TRAPPC9: variants seen among roughly 807,000 people sequenced by gnomAD.
TRAPPC9 encodes trafficking protein particle complex subunit 9, also known as IKK2 binding protein.
TRAPPC9 carries 83 observed loss-of-function variants against 124.0 expected under a neutral mutation model. The ratio of observed to expected loss-of-function variants is 0.67; its 90% CI spans 0.56 to 0.80. The LOEUF (loss-of-function observed/expected upper bound fraction) is 0.80. TRAPPC9 is among the 30% of genes least tolerant of loss of function. TRAPPC9 has a pLI of 0.00. For synonymous variants in TRAPPC9, 638 were observed against 617.5 expected (o/e 1.03, Z -0.49); for missense variants, 1,302 against 1,508.3 (o/e 0.86, Z 2.27).
At chr8:140,218,208 A>G (rs2063247704) in intron 17 of TRAPPC9, among the ~76,000 whole-genome samples, 1 of 152,152 alleles carries the variant, frequency 6.6e-6, no homozygotes, top group African/African-American at 2.4e-5. Context: ...CTAAGATGTT[A>G]GTAGGCCCAA....
chr8:140,360,158 A>T lies in TRAPPC9; in HGVS notation c.1387T>A (p.Leu463Met). The part of the protein sequence containing the change: ...HRGWAAVQMR[L>M]LHELVYASRR... ...GAGGCGTAGACCAATTCATGGAGCA[A>T]ACGCATCTGGACCGCAGCCCAGCCT... is the stretch of plus-strand genomic sequence containing the variant. Residue 463 changes from leucine (L) to methionine (M), a missense_variant, in exon 9 of 23, where the codon TTG becomes ATG. By Grantham distance (15) the Leu-to-Met change is conservative. This residue lies in a region of TRAPPC9 where 657 missense variants were observed against 811.2 expected (regional missense o/e 0.81). Coordinates refer to ENST00000438773, the MANE Select transcript of TRAPPC9 (RefSeq NM_001160372.4). 1 of 1,614,216 alleles carries T rather than the reference A, an allele frequency of 6.2e-7. No individual in the cohort carries two copies. Among genetic ancestry groups the T allele is most frequent in the East Asian group, 2.2e-5 (1 of 44,884 alleles).
At chr8:139,971,806 T>TAC (rs746480462) in intron 19 of TRAPPC9, among the ~76,000 whole-genome samples, 2 of 145,872 alleles carry the variant, frequency 1.4e-5, no homozygotes, top group Admixed American at 7.1e-5. Flanking sequence ...TATATATACA[T>TAC]ATATATATAT....
chr8:140,005,617 A>C (rs1475711571), intron 18 of TRAPPC9, among the ~76,000 whole-genome samples: 1 of 152,022 alleles, frequency 6.6e-6, no homozygotes, highest in African/African-American at 2.4e-5. Context: ...TCCTCACAGG[A>C]GTGAGGAAAC....
chr8:140,164,150 C>A (rs533962350), intron 17 of TRAPPC9, among the ~76,000 whole-genome samples: 1 of 152,268 alleles, frequency 6.6e-6, no homozygotes, highest in South Asian at 2.1e-4. Flanking sequence ...AGTGGGGACA[C>A]GGAGATGCAC....
intron 6 of TRAPPC9, among the ~76,000 whole-genome samples, chr8:140,404,255 AGG>A (rs2069389724): frequency 6.6e-6 from 1 of 152,212 alleles, no homozygotes. Context: ...TAAAGGAATA[AGG>A]ATACAAGAAC....
At chr8:140,419,811 G>A (rs1384620378) in intron 5 of TRAPPC9, among the ~76,000 whole-genome samples, 4 of 151,648 alleles carry the variant, frequency 2.6e-5, no homozygotes, top group Admixed American at 6.6e-5. Flanking sequence ...GCGTGAACCC[G>A]GAAGGCGGAG....
chr8:140,349,272 G>C (rs1248805947), intron 9 of TRAPPC9, among the ~76,000 whole-genome samples: 1 of 90,592 alleles, frequency 1.1e-5, no homozygotes, highest in South Asian at 3.4e-4. Flanking sequence ...GGGCCGATGG[G>C]GGCGCACGAA....
In TRAPPC9 at chr8:140,131,535, C is replaced by T. The variant is rs558640547; in HGVS notation, c.2556+89924G>A. Among the ~76,000 whole-genome samples, 5 of 152,308 alleles carry T rather than the reference C, an allele frequency of 3.3e-5. No homozygotes were observed. The East Asian group carries it at 5.8e-4, about 18-fold the overall frequency. Reference sequence around the variant, plus strand: ...TGCCAGGCTCAGAGGCTCAGTGATGCGCCAGGCCTCCTGGCTGCCAAGGGG... The same window carrying T: ...TGCCAGGCTCAGAGGCTCAGTGATGTGCCAGGCCTCCTGGCTGCCAAGGGG... On this transcript the variant is annotated intron_variant, in intron 17 of 22. Coordinates refer to ENST00000438773, the MANE Select transcript of TRAPPC9 (RefSeq NM_001160372.4).
Position 139,742,440 on chromosome 8 carries a change from T to C in TRAPPC9, c.3056-10238A>G, listed in dbSNP as rs1238661194. Among the ~76,000 whole-genome samples the C allele has an allele frequency of 6.6e-6, 1 of 152,132 alleles. No individual in the cohort carries two copies. The highest frequency in any genetic ancestry group is 1.5e-5 in the Non-Finnish European group (1 of 68,030). ...CCCTTGACCTCCATATTTCAGGAGT[T>C]TCTCACATTTTGGAGCCTGGGGCCA... On this transcript the variant is annotated intron_variant, in intron 21 of 22. Coordinates refer to ENST00000438773, the MANE Select transcript of TRAPPC9 (RefSeq NM_001160372.4). This position sits in a 1 kb window ranked among gnomAD's most constrained non-coding sequence, Gnocchi z 4.7.
chr8:139,841,244 G>A (rs535362053), intron 21 of TRAPPC9, among the ~76,000 whole-genome samples: 12 of 152,224 alleles, frequency 7.9e-5, no homozygotes, highest in East Asian at 3.9e-4. Flanking sequence ...AAGGACCTTC[G>A]TGATTACCCT....
intron 17 of TRAPPC9, among the ~76,000 whole-genome samples, chr8:140,080,128 G>T (rs1237470388): frequency 6.6e-6 from 1 of 152,180 alleles, no homozygotes; most frequent in Non-Finnish European, 1.5e-5. Context: ...GAATGATCCA[G>T]GGGAATCAAG....
At chr8:139,923,628 G>A (rs1001017899) in intron 19 of TRAPPC9, among the ~76,000 whole-genome samples, 5 of 152,184 alleles carry the variant, frequency 3.3e-5, no homozygotes, top group African/African-American at 1.2e-4. Context: ...GCACGTCTGA[G>A]GAGGCCAGCA....
rs1397041362 is a variant in TRAPPC9 at position 139,890,246 on chromosome 8, C to T, written c.2965-4277G>A. Among the ~76,000 whole-genome samples, 7 of 152,368 alleles carry T rather than the reference C, an allele frequency of 4.6e-5. No homozygotes were observed. In the East Asian group the frequency reaches 5.8e-4, roughly 13 times the overall value. On this transcript the variant is annotated intron_variant, in intron 20 of 22. Coordinates refer to ENST00000438773, the MANE Select transcript of TRAPPC9 (RefSeq NM_001160372.4). ...TGTGGTCCCTTCCCAAGCCCTAAGC[C>T]GTAACAGGGAGGTCAGGCCCTACGG...
intron 18 of TRAPPC9, among the ~76,000 whole-genome samples, chr8:140,013,908 G>A (rs1384117527): frequency 6.6e-6 from 1 of 152,200 alleles, no homozygotes; most frequent in Non-Finnish European, 1.5e-5. Flanking sequence ...AAACCACAGC[G>A]CCAATGAGCA....
At chr8:139,938,678 G>T (rs367683589) in intron 19 of TRAPPC9, among the ~76,000 whole-genome samples, 7 of 149,586 alleles carry the variant, frequency 4.7e-5, no homozygotes, top group Non-Finnish European at 1.5e-5. Context: ...TCGCTCTGTC[G>T]CCCAGGCCGG....
In TRAPPC9 at chr8:139,797,704, T is replaced by G. The variant is rs145493475; in HGVS notation, c.3056-65502A>C. 6.7e-3 allele frequency among the ~76,000 whole-genome samples: 1,015 copies of G among 152,372 alleles called. 8 individuals are homozygous for G. The highest frequency in any genetic ancestry group is 0.017 in the Middle Eastern group (5 of 294). On this transcript the variant is annotated intron_variant, in intron 21 of 22. Coordinates refer to ENST00000438773, the MANE Select transcript of TRAPPC9 (RefSeq NM_001160372.4). The stretch of plus-strand genomic sequence containing the variant: ...ATAGTTAGATATTTGATCAACTTCA[T>G]TCTTTTGCATAAGGATCTCTGGTTA...
chr8:140,221,548 G>C lies in TRAPPC9; in HGVS notation c.2467C>G (p.Pro823Ala). 3 of 1,614,148 alleles carry C rather than the reference G, an allele frequency of 1.9e-6. No individual in the cohort carries two copies. The highest frequency in any genetic ancestry group is 3.3e-5 in the Admixed American group (2 of 60,022). ...ISVSGFPLSS[P>A]FRQVVRPRVE... is the part of the protein sequence containing the mutation. ...CGGGGCCGAACGACCTGCCGAAAAG[G>C]ACTGGACAGGGGAAAGCCACTCACA... Residue 823 changes from proline to alanine, a missense_variant, in exon 17 of 23, where the codon CCT becomes GCT. Pro to Ala is a conservative substitution (Grantham distance 27). Transcript: ENST00000438773.
At chr8:140,346,963 A>G (rs968795939) in intron 9 of TRAPPC9, among the ~76,000 whole-genome samples, 1 of 152,154 alleles carries the variant, frequency 6.6e-6, no homozygotes, top group Non-Finnish European at 1.5e-5. Context: ...ACATGGAGTG[A>G]TGTCTGAGGC....
intron 12 of TRAPPC9, among the ~76,000 whole-genome samples, chr8:140,289,991 C>T (rs2065601857): frequency 1.3e-5 from 2 of 152,206 alleles, no homozygotes; most frequent in Admixed American, 6.5e-5. Context: ...ACCTGGCAAA[C>T]TGCAACTCAG....
Sources: allele counts gnomAD v4.1 joint callset (sites outside exome capture counted in the v4.1 genomes callset), GRCh38; gene constraint gnomAD v4.1.1; regional missense constraint gnomAD v4.1.1; non-coding constraint Gnocchi (gnomAD v3.1); transcripts MANE v1.5; gene names NCBI Gene and HGNC (gene_info 2026-07-23, HGNC 2026-07-21).